ZNF433: variants seen among roughly 807,000 people sequenced by gnomAD.
ZNF433 encodes zinc finger protein 433.
Under a neutral mutation model 10.6 loss-of-function variants are expected in ZNF433, and 12 were observed. The ratio of observed to expected loss-of-function variants is 1.13; its 90% CI spans 0.72 to 1.83. The LOEUF is 1.83. Ranked by LOEUF, ZNF433 falls within the 40% of genes most tolerant of loss-of-function variation. The pLI is 0.00. For synonymous variants in ZNF433, 272 were observed against 271.3 expected (o/e 1.00, Z -0.02); for missense variants, 737 against 798.0 (o/e 0.92, Z 0.92).
At chr19:12,016,823 A>G (rs1319354594) in intron 3 of ZNF433, among the ~76,000 whole-genome samples, 157 bp from the exon 4 acceptor site, 1 of 151,848 alleles carries the variant, frequency 6.6e-6, no homozygotes, top group Non-Finnish European at 1.5e-5. Context: ...CGCTTACTGC[A>G]ACTTCCACCT....
At chr19:12,031,299 AAAAAAAAAAAACAAAAC>A (rs1392549847) in intron 1 of ZNF433, among the ~76,000 whole-genome samples, 3 of 139,022 alleles carry the variant, frequency 2.2e-5, no homozygotes, top group East Asian at 1.9e-4. Flanking sequence ...CATCTCAAAA[AAAAAAAAAAAACAAAAC>A]AAAAAAAAAA....
chr19:12,021,297 C>A (rs1974483383), intron 1 of ZNF433, among the ~76,000 whole-genome samples: 1 of 152,068 alleles, frequency 6.6e-6, no homozygotes, highest in South Asian at 2.1e-4. Flanking sequence ...CCTTCTTTGA[C>A]CAAACTTGAT....
At chr19:12,032,582 C>A (rs1032463004) in intron 1 of ZNF433, among the ~76,000 whole-genome samples, 40 of 151,476 alleles carry the variant, frequency 2.6e-4, no homozygotes, top group South Asian at 2.1e-4. Flanking sequence ...CTCCCAGGTT[C>A]AAGGGATTCT....
intron 1 of ZNF433, among the ~76,000 whole-genome samples, chr19:12,019,052 TAAAA>T (rs754859866): frequency 4.8e-5 from 3 of 62,830 alleles, no homozygotes; most frequent in Non-Finnish European, 1.0e-4. Context: ...TCCATCTTAA[TAAAA>T]AAAAAAAAAA....
At chr19:12,029,453 C>T (rs372018010) in intron 1 of ZNF433, among the ~76,000 whole-genome samples, 1 of 121,886 alleles carries the variant, frequency 8.2e-6, no homozygotes, top group Admixed American at 1.1e-4. Context: ...ACCCGGGAGG[C>T]GGAAGTTGCA....
intron 1 of ZNF433, among the ~76,000 whole-genome samples, chr19:12,028,821 AGAT>A (rs1169835006): frequency 6.6e-6 from 1 of 152,164 alleles, no homozygotes; most frequent in Admixed American, 6.5e-5. Context: ...CTTCCTGAGT[AGAT>A]GATAATACAG....
At chr19:12,024,933 A>G (rs1974665507) in intron 1 of ZNF433, 1 of 152,236 alleles carries the variant, frequency 6.6e-6, no homozygotes, top group African/African-American at 2.4e-5. Flanking sequence ...AAACAGTCTT[A>G]CTTGGCAAAC....
chr19:12,021,799 A>G (rs1002091531), intron 1 of ZNF433: 21 of 356,134 alleles, frequency 5.9e-5, no homozygotes, highest in Non-Finnish European at 1.1e-4. Flanking sequence ...ACTACCTCCC[A>G]CTCACAAAAC....
intron 1 of ZNF433, among the ~76,000 whole-genome samples, chr19:12,021,686 A>G (rs1974500937): frequency 6.6e-6 from 1 of 152,128 alleles, no homozygotes; most frequent in South Asian, 2.1e-4. Context: ...TTTCAATACA[A>G]TCTCTCTTTA....
chr19:12,027,947 A>T (rs1465331305), intron 1 of ZNF433: 3 of 152,228 alleles, frequency 2.0e-5, no homozygotes, highest in African/African-American at 7.2e-5. Flanking sequence ...GGAATTCTAC[A>T]AACCATGTAC....
intron 1 of ZNF433, chr19:12,021,877 T>C (rs1011575073): frequency 6.8e-6 from 3 of 444,338 alleles, no homozygotes; most frequent in South Asian, 3.1e-5. Flanking sequence ...CTTAGTAAGA[T>C]AGGGGACTGT....
intron 1 of ZNF433, among the ~76,000 whole-genome samples, chr19:12,032,012 C>T (rs1040220479): frequency 1.4e-5 from 2 of 147,820 alleles, no homozygotes; most frequent in South Asian, 2.1e-4. Flanking sequence ...AATCTCGGCT[C>T]ACCGCAACCT....
chr19:12,026,065 A>C (rs1459456698), intron 1 of ZNF433: 2 of 152,630 alleles, frequency 1.3e-5, no homozygotes, highest in Admixed American at 6.5e-5. Flanking sequence ...GCAGCTGAAC[A>C]ATATCTACAG....
Position 12,016,244 on chromosome 19 carries a change from A to C in ZNF433, c.614T>G (p.Met205Arg), listed in dbSNP as rs771728286. The C allele has an allele frequency of 7.4e-6, 12 of 1,614,044 alleles. No homozygotes were observed. Among genetic ancestry groups the C allele is most frequent in the Non-Finnish European group, 1.0e-5 (12 of 1,180,032 alleles). Residue 205 changes from methionine (M) to arginine (R), a missense_variant, in exon 4 of 4, where the codon ATG (methionine) becomes AGG (arginine). Met to Arg is a moderately conservative substitution (Grantham distance 91). Coordinates refer to ENST00000550507, the MANE Select transcript of ZNF433 (RefSeq NM_001308348.2). ...YKCKFCGKAL[M>R]FLSLYLIHKR... is the part of the protein sequence containing the mutation. The stretch of plus-strand genomic sequence containing the variant: ...GTGGATAAGATACAAACTGAGAAAC[A>C]TCAAGGCTTTCCCACAAAATTTACA...
intron 1 of ZNF433, among the ~76,000 whole-genome samples, chr19:12,033,600 A>G (rs1174473752): frequency 6.6e-6 from 1 of 152,110 alleles, no homozygotes; most frequent in Non-Finnish European, 1.5e-5. Context: ...AGGCGGGTGG[A>G]TCACAAGGTC....
intron 1 of ZNF433, among the ~76,000 whole-genome samples, chr19:12,019,213 G>A (rs1974369692): frequency 6.6e-6 from 1 of 151,890 alleles, no homozygotes; most frequent in Admixed American, 6.6e-5. Flanking sequence ...CTGAGGCCAG[G>A]AGTTGGTGAC....
At chr19:12,032,551 T>C (rs1975086675) in intron 1 of ZNF433, among the ~76,000 whole-genome samples, 2 of 151,702 alleles carry the variant, frequency 1.3e-5, no homozygotes, top group Non-Finnish European at 2.9e-5. Context: ...TGGTGCAATG[T>C]CAGCTCACTG....
Position 12,017,917 on chromosome 19 carries a change from C to T in ZNF433, c.150G>A (p.Gln50=). The T allele has an allele frequency of 6.3e-7, 1 of 1,587,304 alleles. No individual in the cohort carries two copies. The highest frequency in any genetic ancestry group is 8.5e-7 in the Non-Finnish European group (1 of 1,172,652). ...GATTTTCGTACTCTACATATATGTT[C>T]TGGGGTTTCCATTTTTTCCCTACAA... The part of the protein sequence containing the change: ...LASIGKKWKP[Q]NIYVEYENLR... Residue 50 remains glutamine, a synonymous_variant, in exon 3 of 4, where the codon CAG becomes CAA. Coordinates refer to ENST00000550507, the MANE Select transcript of ZNF433 (RefSeq NM_001308348.2).
At chr19:12,022,451 G>A (rs1041865189) in intron 1 of ZNF433, among the ~76,000 whole-genome samples, 4 of 152,206 alleles carry the variant, frequency 2.6e-5, no homozygotes, top group Non-Finnish European at 4.4e-5. Flanking sequence ...TTCTCTGTGT[G>A]TGTCTTTAAT....
Sources: allele counts gnomAD v4.1 joint callset (sites outside exome capture counted in the v4.1 genomes callset), GRCh38; gene constraint gnomAD v4.1.1; transcripts MANE v1.5; gene names NCBI Gene and HGNC (gene_info 2026-07-23, HGNC 2026-07-21).